DDI2: variants seen among roughly 807,000 people sequenced by gnomAD.
DDI2 encodes the protein protein DDI1 homolog 2.
In DDI2, 5 loss-of-function variants were observed where a neutral mutation model predicts 48.1. The observed-to-expected ratio is 0.10, with a 90% CI of 0.05 to 0.22. The LOEUF (loss-of-function observed/expected upper bound fraction) is 0.22. Ranked by LOEUF, DDI2 falls within the 10% of genes least tolerant of loss-of-function variation. The pLI, the probability that DDI2 is intolerant of heterozygous loss-of-function variation, is 1.00. For synonymous variants in DDI2, 205 were observed against 183.6 expected (o/e 1.12, Z -0.94); for missense variants, 285 against 506.2 (o/e 0.56, Z 4.19).
Position 15,661,324 on chromosome 1 carries a change from T to C in DDI2, c.*1534T>C. On this transcript the variant is annotated 3_prime_UTR_variant, in exon 10 of 10. Coordinates refer to ENST00000480945, the MANE Select transcript of DDI2 (RefSeq NM_032341.5). ...AGCTAAAACATCCAATCAGTTACAC[T>C]GCACCTTAGGTGTAGAAATTTCACC... The C allele has an allele frequency of 6.2e-7, 1 of 1,614,062 alleles. No homozygotes were observed. The highest frequency in any genetic ancestry group is 8.5e-7 in the Non-Finnish European group (1 of 1,179,966).
At position 15,661,677 on chromosome 1, in the gene DDI2, T is replaced by C; in HGVS notation, c.*1887T>C. 1 of 1,613,612 alleles carries C rather than the reference T, an allele frequency of 6.2e-7. No homozygotes were observed. The highest frequency in any genetic ancestry group is 1.1e-5 in the South Asian group (1 of 91,038). ...ATCGAGTTGGTGGGAATGCAGACCT[T>C]GCACTTCTTGTTTTGCTCGCAAAAA... On this transcript the variant is annotated 3_prime_UTR_variant, in exon 10 of 10. Transcript: ENST00000480945.
chr1:15,638,620 T>C (rs1228818011), intron 5 of DDI2, among the ~76,000 whole-genome samples, 186 bp downstream of exon 5: 3 of 149,596 alleles, frequency 2.0e-5, no homozygotes, highest in Non-Finnish European at 4.4e-5. Flanking sequence ...CTGCAACCTC[T>C]GTCTCCTCAG....
chr1:15,646,680 T>A (rs948477353), intron 6 of DDI2, among the ~76,000 whole-genome samples: 1 of 151,616 alleles, frequency 6.6e-6, no homozygotes, highest in South Asian at 2.1e-4. Context: ...AGAGTGAAAC[T>A]CCATCTCTAA....
chr1:15,654,672 A>C (rs1335149765), intron 8 of DDI2, among the ~76,000 whole-genome samples: 2 of 151,892 alleles, frequency 1.3e-5, no homozygotes, highest in Non-Finnish European at 2.9e-5. Context: ...AAAAAAAAAA[A>C]ACAACAGAAT....
intron 5 of DDI2, among the ~76,000 whole-genome samples, chr1:15,642,650 A>T (rs576641398): frequency 3.5e-4 from 54 of 152,292 alleles, no homozygotes; most frequent in African/African-American, 1.3e-3. Flanking sequence ...AGGGCCAGAC[A>T]CTGTGGCTCA....
chr1:15,655,752 C>CA lies in DDI2; in HGVS notation c.1184-850dup, dbSNP rs111602583. 8.7e-3 allele frequency among the ~76,000 whole-genome samples: 1,003 copies of CA among 115,854 alleles called. 9 individuals carry two copies. Among genetic ancestry groups the CA allele is most frequent in the African/African-American group, 0.019 (617 of 32,646 alleles). The allele number at this position is 115,854 out of a possible 152,430, so 76.0% of individuals were successfully genotyped here. On this transcript the variant is annotated intron_variant, in intron 8 of 9. Transcript: ENST00000480945. The stretch of plus-strand genomic sequence containing the variant: ...TGGGCAACAGAGTGAGACTCCTTCT[C>CA]AAAAAAAAAAAAAAAGAAAAAAAAT...
Position 15,660,046 on chromosome 1 carries a change from G to A in DDI2, c.*256G>A, listed in dbSNP as rs1280060195. On this transcript the variant is annotated 3_prime_UTR_variant, in exon 10 of 10. Transcript: ENST00000480945. ...AGCTGTGAAGGCTTTGAAGGCTTCA[G>A]CTGAATTCCAGCTAAACTCTGAAAA... 1.2e-6 allele frequency: 2 copies of A among 1,613,936 alleles called. No homozygotes were observed. Among genetic ancestry groups the A allele is most frequent in the African/African-American group, 2.7e-5 (2 of 74,918 alleles).
intron 1 of DDI2, among the ~76,000 whole-genome samples, chr1:15,624,122 A>G (rs1460459335): frequency 6.6e-6 from 1 of 152,184 alleles, no homozygotes; most frequent in Non-Finnish European, 1.5e-5. Flanking sequence ...TGTATCTCTA[A>G]ATATACTGAT....
rs945518635 is a variant in DDI2, at chr1:15,650,570, A to G, written c.993+747A>G. ...TGAAACCAGTCTGGGTAACTTAGTG[A>G]GACCCTGTCTCTACAAAAAGTACAA... On this transcript the variant is annotated intron_variant, in intron 7 of 9. Transcript: ENST00000480945. Among the ~76,000 whole-genome samples the G allele has an allele frequency of 2.0e-5, 3 of 152,106 alleles. No individual in the cohort carries two copies. In the South Asian group the frequency reaches 6.2e-4, roughly 31 times the overall value.
At chr1:15,623,556 G>GCTTCTTCTTCCTCTT (rs140856838) in intron 1 of DDI2, among the ~76,000 whole-genome samples, 1 of 141,522 alleles carries the variant, frequency 7.1e-6, no homozygotes. Context: ...ACCATGCCTG[G>GCTTCTTCTTCCTCTT]CTTATTATTA....
At chr1:15,646,404 G>A (rs1640091350) in intron 6 of DDI2, among the ~76,000 whole-genome samples, 1 of 151,934 alleles carries the variant, frequency 6.6e-6, no homozygotes, top group Non-Finnish European at 1.5e-5. Flanking sequence ...GTATGCCTTA[G>A]GGCTGGGCAT....
chr1:15,656,841 C>A, intron 9 of DDI2, 162 bp downstream of exon 9: 1 of 905,848 alleles, frequency 1.1e-6, no homozygotes, highest in Non-Finnish European at 1.6e-6. Context: ...GGCATGCATA[C>A]ATGGATATGT....
chr1:15,630,244 T>C (rs1024852111), intron 2 of DDI2, 81 bp from the exon 3 acceptor site: 9 of 1,289,192 alleles, frequency 7.0e-6, no homozygotes, highest in African/African-American at 1.5e-5. Flanking sequence ...ATACCATGTA[T>C]GAGCAAGTGT....
At position 15,661,855 on chromosome 1, in the gene DDI2, A is replaced by AT. The variant is rs58186615; in HGVS notation, c.*2073dup. ...ACCTGCAAGCAGAATGTTGAGCCAG[A>AT]TTTTTTTTAAAGATTTTTTTCGGCC... On this transcript the variant is annotated 3_prime_UTR_variant, in exon 10 of 10. Coordinates refer to ENST00000480945, the MANE Select transcript of DDI2 (RefSeq NM_032341.5). 4.5e-5 allele frequency: 57 copies of AT among 1,253,258 alleles called. No individual in the cohort carries two copies. Among genetic ancestry groups the AT allele is most frequent in the East Asian group, 5.7e-5 (2 of 35,362 alleles). The allele number at this position is 1,253,258 out of a possible 1,614,324, so 77.6% of individuals were successfully genotyped here. A position where few individuals can be genotyped will look rare whatever the true frequency, so the allele number is the denominator to read the frequency against.
intron 8 of DDI2, among the ~76,000 whole-genome samples, chr1:15,655,812 C>G (rs983250297): frequency 4.6e-5 from 7 of 151,106 alleles, no homozygotes. Flanking sequence ...TGTGGTCCAG[C>G]TACTTGGGAG....
intron 4 of DDI2, among the ~76,000 whole-genome samples, chr1:15,637,888 G>A (rs907796427): frequency 2.0e-5 from 3 of 152,104 alleles, no homozygotes; most frequent in Non-Finnish European, 4.4e-5. Context: ...AGCACAAGAC[G>A]TTGAAATATT....
chr1:15,653,875 ATATAT>A (rs1307873629), intron 8 of DDI2, among the ~76,000 whole-genome samples: 2 of 152,220 alleles, frequency 1.3e-5, no homozygotes, highest in African/African-American at 2.4e-5. Context: ...TTAGCACTGT[ATATAT>A]TGAAATCATG....
rs1639793976 is a variant in DDI2 at position 15,628,607 on chromosome 1, A to T, written c.269-1718A>T. The stretch of plus-strand genomic sequence containing the variant: ...TTCAGTTGTTCAGACAAGTTTGACC[A>T]TCAACTATATTTTTTGGAGTTGAAG... On this transcript the variant is annotated intron_variant, in intron 2 of 9. Coordinates refer to ENST00000480945, the MANE Select transcript of DDI2 (RefSeq NM_032341.5). Among the ~76,000 whole-genome samples, 5 of 152,358 alleles carry T rather than the reference A, an allele frequency of 3.3e-5. No homozygotes were observed. The South Asian group carries it at 1.0e-3, about 32-fold the overall frequency.
chr1:15,636,875 T>C (rs568037234), intron 4 of DDI2, among the ~76,000 whole-genome samples: 49 of 152,358 alleles, frequency 3.2e-4, no homozygotes, highest in African/African-American at 9.4e-4. Context: ...CCATAGACAA[T>C]AGGACAATAT....
Sources: gnomAD v4.1 joint callset for allele counts (sites outside exome capture counted in the v4.1 genomes callset) on GRCh38, gnomAD v4.1.1 for gene constraint, MANE v1.5 for transcripts, NCBI Gene and HGNC (gene_info 2026-07-23, HGNC 2026-07-21) for gene names.